The following PCDHGA12 variants were observed in gnomAD, a reference collection of about 807,000 sequenced individuals.
PCDHGA12 encodes protocadherin gamma-A12.
A neutral mutation model predicts 61.1 loss-of-function variants in PCDHGA12; 43 were observed. That is an observed-to-expected ratio of 0.70 (90% CI 0.55 to 0.91). PCDHGA12 has a LOEUF of 0.91. Ranked by LOEUF, PCDHGA12 falls within the 40% of genes least tolerant of loss-of-function variation. The pLI, the probability that PCDHGA12 is intolerant of heterozygous loss-of-function variation, is 0.00. For synonymous variants in PCDHGA12, 520 were observed against 542.9 expected (o/e 0.96, Z 0.59); for missense variants, 1,236 against 1,227.7 (o/e 1.01, Z -0.10).
rs1170543558 is a variant in PCDHGA12 at position 141,433,194 on chromosome 5, A to G, written c.2424+11A>G. The G allele has an allele frequency of 1.1e-5, 18 of 1,585,754 alleles. No individual in the cohort carries two copies. The highest frequency in any genetic ancestry group is 1.5e-5 in the Non-Finnish European group (18 of 1,169,288). ...CATGGGTTAATTGAGGTGAGTTTAT[A>G]TCAAATCTTCTTTCTTTTTTTTTTT... On this transcript the variant is annotated intron_variant, in intron 1 of 3. Coordinates refer to ENST00000252085, the MANE Select transcript of PCDHGA12 (RefSeq NM_003735.3).
intron 1 of PCDHGA12, among the ~76,000 whole-genome samples, chr5:141,463,128 A>G (rs914895217): frequency 1.5e-4 from 23 of 152,190 alleles, no homozygotes; most frequent in Admixed American, 1.4e-3. Context: ...GCTCCCTGGC[A>G]GTTCTTCGCC....
chr5:141,474,135 G>C (rs1032470573), intron 1 of PCDHGA12, among the ~76,000 whole-genome samples: 2 of 152,062 alleles, frequency 1.3e-5, no homozygotes, highest in Admixed American at 1.3e-4. Context: ...GAAAACTACA[G>C]GCCTTATTAT....
At chr5:141,478,299 G>A (rs201916687) in intron 1 of PCDHGA12, 1 of 1,614,056 alleles carries the variant, frequency 6.2e-7, no homozygotes, top group Non-Finnish European at 8.5e-7. Flanking sequence ...GACCTATACC[G>A]AGCCCCGGTG....
At chr5:141,444,880 G>C (rs527554886) in intron 1 of PCDHGA12, among the ~76,000 whole-genome samples, 5 of 152,268 alleles carry the variant, frequency 3.3e-5, no homozygotes, top group Admixed American at 1.3e-4. Flanking sequence ...AAGCTTGTAG[G>C]ATTTTTGAAT....
intron 1 of PCDHGA12, among the ~76,000 whole-genome samples, chr5:141,492,221 G>C (rs62379206): frequency 0.18 from 27,189 of 152,134 alleles, 2,633 homozygotes; most frequent in Admixed American, 0.28. Context: ...GGGCTCATGC[G>C]TGTCCTCCCT....
chr5:141,453,116 GT>G (rs2098756689), intron 1 of PCDHGA12, among the ~76,000 whole-genome samples: 1 of 151,698 alleles, frequency 6.6e-6, no homozygotes, highest in Admixed American at 6.6e-5. Context: ...GTTTTGTTTT[GT>G]TTTGTTTTGT....
intron 1 of PCDHGA12, among the ~76,000 whole-genome samples, chr5:141,472,725 C>T (rs1250092748): frequency 6.6e-6 from 1 of 152,022 alleles, no homozygotes; most frequent in Non-Finnish European, 1.5e-5. Flanking sequence ...GTGGCTCACA[C>T]CTGTAATCCC....
intron 1 of PCDHGA12, among the ~76,000 whole-genome samples, chr5:141,469,311 T>C (rs970450899): frequency 3.3e-5 from 5 of 152,040 alleles, no homozygotes; most frequent in Admixed American, 3.3e-4. Context: ...GCACGATGGC[T>C]CACGCCTGTA....
At chr5:141,470,574 CA>C (rs1369567985) in intron 1 of PCDHGA12, among the ~76,000 whole-genome samples, 1 of 152,188 alleles carries the variant, frequency 6.6e-6, no homozygotes, top group Non-Finnish European at 1.5e-5. Flanking sequence ...CAAGCAGGAT[CA>C]ACTTCATAGG....
intron 1 of PCDHGA12, among the ~76,000 whole-genome samples, chr5:141,438,629 TATATATACACAC>T (rs1343412075): frequency 0.05 from 2,378 of 47,602 alleles, 22 homozygotes; most frequent in African/African-American, 0.12. Context: ...TATATATATA[TATATATACACAC>T]ACACACACAC....
At chr5:141,481,812 C>T (rs2099545604) in intron 1 of PCDHGA12, among the ~76,000 whole-genome samples, 2 of 149,798 alleles carry the variant, frequency 1.3e-5, no homozygotes, top group South Asian at 2.1e-4. Context: ...ATTCACCAGG[C>T]GTGGTGGCTG....
At chr5:141,474,016 G>A (rs1286684019) in intron 1 of PCDHGA12, among the ~76,000 whole-genome samples, 1 of 152,128 alleles carries the variant, frequency 6.6e-6, no homozygotes, top group Non-Finnish European at 1.5e-5. Context: ...GTTACAGTGA[G>A]CTATGATTAT....
intron 2 of PCDHGA12, among the ~76,000 whole-genome samples, chr5:141,503,595 G>T (rs6892628): frequency 0.52 from 72,995 of 139,870 alleles, 19,322 homozygotes; most frequent in African/African-American, 0.64. Flanking sequence ...CGAGACTCCA[G>T]CTCAAAAAAA....
At chr5:141,497,354 A>G (rs1430368474) in intron 2 of PCDHGA12, among the ~76,000 whole-genome samples, 1 of 152,054 alleles carries the variant, frequency 6.6e-6, no homozygotes, top group Non-Finnish European at 1.5e-5. Flanking sequence ...AGCCCCACCA[A>G]CTGCCTCTCA....
At position 141,476,114 on chromosome 5, in the gene PCDHGA12, G is replaced by C; in HGVS notation, c.2425-18693G>C. 3.8e-6 allele frequency: 6 copies of C among 1,592,296 alleles called. No homozygotes were observed. Among genetic ancestry groups the C allele is most frequent in the Non-Finnish European group, 5.1e-6 (6 of 1,171,536 alleles). On this transcript the variant is annotated intron_variant, in intron 1 of 3. Coordinates refer to ENST00000252085, the MANE Select transcript of PCDHGA12 (RefSeq NM_003735.3). This position sits in a 1 kb window ranked among gnomAD's most constrained non-coding sequence, Gnocchi z 7.6. Reference sequence around the variant, plus strand: ...CCGCTGAGAGGAACTGCTTTTGAGTGAGATGGTCCCAGAGGCCTGGAGGAG... The same window carrying C: ...CCGCTGAGAGGAACTGCTTTTGAGTCAGATGGTCCCAGAGGCCTGGAGGAG...
At chr5:141,450,770 AG>A (rs1354382498) in intron 1 of PCDHGA12, among the ~76,000 whole-genome samples, 1 of 151,448 alleles carries the variant, frequency 6.6e-6, no homozygotes, top group Non-Finnish European at 1.5e-5. Context: ...TACAGGCATG[AG>A]CCACCGTGCC....
chr5:141,450,991 A>AT (rs1351194705), intron 1 of PCDHGA12, among the ~76,000 whole-genome samples: 1 of 150,700 alleles, frequency 6.6e-6, no homozygotes. Context: ...CACCCGGCTA[A>AT]TTTTTTTGTA....
chr5:141,505,343 G>C (rs2099845454), intron 2 of PCDHGA12, 50 bp from the exon 3 acceptor site: 1 of 1,612,934 alleles, frequency 6.2e-7, no homozygotes, highest in Non-Finnish European at 8.5e-7. Context: ...GGAGGGGCAT[G>C]AGCTGTGCCG....
rs200045647 is a variant in PCDHGA12, at chr5:141,490,150, G to A, written c.2425-4657G>A. 50 of 1,614,246 alleles carry A rather than the reference G, an allele frequency of 3.1e-5. No individual in the cohort carries two copies. The Admixed American group carries it at 7.7e-4, about 25-fold the overall frequency. On this transcript the variant is annotated intron_variant, in intron 1 of 3. Transcript: ENST00000252085. The surrounding 1 kb of genome is among the most constrained non-coding windows in gnomAD (Gnocchi z 5.4). ...AGACCCTAGCAGTGGGGCAATCCAT[G>A]TGTTGGGTCCCATAGACTTTGAGGA...
Sources: allele counts gnomAD v4.1 joint callset (sites outside exome capture counted in the v4.1 genomes callset), GRCh38; gene constraint gnomAD v4.1.1; non-coding constraint Gnocchi (gnomAD v3.1); transcripts MANE v1.5; gene names NCBI Gene and HGNC (gene_info 2026-07-23, HGNC 2026-07-21).